The following ANKFN1 variants were observed in gnomAD, a reference collection of about 807,000 sequenced individuals.
The protein encoded by ANKFN1 is ankyrin repeat and fibronectin type III domain containing 1.
ANKFN1 carries 74 observed loss-of-function variants against 108.7 expected under a neutral mutation model. The observed-to-expected ratio is 0.68, with a 90% CI of 0.56 to 0.83. The LOEUF (loss-of-function observed/expected upper bound fraction) is 0.83, where lower values mean the gene tolerates loss of function less well. Among genes scored for constraint, ANKFN1 ranks in the 40% least tolerant of loss-of-function variants. The pLI is 0.00. For synonymous variants in ANKFN1, 547 were observed against 516.2 expected (o/e 1.06, Z -0.81); for missense variants, 1,505 against 1,382.3 (o/e 1.09, Z -1.41).
intron 8 of ANKFN1, among the ~76,000 whole-genome samples, chr17:56,385,782 C>A (rs960596128): frequency 6.6e-6 from 1 of 152,168 alleles, no homozygotes; most frequent in Non-Finnish European, 1.5e-5. Context: ...TACCATCTCA[C>A]ACCAGTTAGA....
At chr17:56,456,024 A>G (rs1410694327) in intron 11 of ANKFN1, among the ~76,000 whole-genome samples, 2 of 152,236 alleles carry the variant, frequency 1.3e-5, no homozygotes, top group Non-Finnish European at 2.9e-5. Flanking sequence ...GTGGTTATAC[A>G]GAAGTGACGA....
chr17:56,155,855 C>T lies in ANKFN1; in HGVS notation c.-71+2325C>T, dbSNP rs1040875943. On this transcript the variant is annotated intron_variant, in intron 1 of 20. Transcript: ENST00000682825. The stretch of plus-strand genomic sequence containing the variant: ...TTATATCTGATCACTCCAGCAAATG[C>T]GCAGAGGATAGTGTTCTATAGATGA... Among the ~76,000 whole-genome samples, 8 of 152,060 alleles carry T rather than the reference C, an allele frequency of 5.3e-5. No homozygotes were observed. The East Asian group carries it at 7.7e-4, about 15-fold the overall frequency.
At chr17:56,491,234 C>A (rs1379912556) in intron 18 of ANKFN1, among the ~76,000 whole-genome samples, 1 of 152,100 alleles carries the variant, frequency 6.6e-6, no homozygotes, top group Non-Finnish European at 1.5e-5. Context: ...GCCCTATTTC[C>A]AAAGCATGGA....
chr17:56,501,823 C>G (rs1259530045), intron 20 of ANKFN1, among the ~76,000 whole-genome samples: 1 of 151,982 alleles, frequency 6.6e-6, no homozygotes, highest in African/African-American at 2.4e-5. Context: ...AGAGTAGTGG[C>G]ACAGAATCAA....
intron 3 of ANKFN1, among the ~76,000 whole-genome samples, chr17:56,304,721 T>C (rs1328249023): frequency 6.6e-6 from 1 of 152,170 alleles, no homozygotes; most frequent in African/African-American, 2.4e-5. Context: ...CAATTTGCAT[T>C]CCCCTAATGG....
Position 56,213,465 on chromosome 17 carries a change from A to G in ANKFN1, c.12+786A>G, listed in dbSNP as rs189904599. The stretch of plus-strand genomic sequence containing the variant: ...AAGTAAAAGGGTGAAGAGAGAAGTC[A>G]GTCATTCTCACTTCACATCCCTCAT... On this transcript the variant is annotated intron_variant, in intron 2 of 20. Transcript: ENST00000682825. Among the ~76,000 whole-genome samples, 351 of 152,324 alleles carry G rather than the reference A, an allele frequency of 2.3e-3. 6 individuals carry two copies. Among genetic ancestry groups the G allele is most frequent in the Middle Eastern group, 3.4e-3 (1 of 294 alleles).
At chr17:56,291,531 T>C (rs1313860263) in intron 3 of ANKFN1, among the ~76,000 whole-genome samples, 1 of 152,200 alleles carries the variant, frequency 6.6e-6, no homozygotes, top group East Asian at 1.9e-4. Flanking sequence ...ATTATGATGA[T>C]GATTATGATT....
intron 6 of ANKFN1, among the ~76,000 whole-genome samples, chr17:56,364,837 T>G (rs1048483491): frequency 3.9e-5 from 6 of 152,226 alleles, no homozygotes; most frequent in Non-Finnish European, 8.8e-5. Flanking sequence ...TTCACAGTCA[T>G]TAAAATGAAA....
At chr17:56,399,647 A>C (rs1375330427) in intron 8 of ANKFN1, among the ~76,000 whole-genome samples, 2 of 151,934 alleles carry the variant, frequency 1.3e-5, no homozygotes, top group East Asian at 3.9e-4. Context: ...CTTCTCCCCA[A>C]GTCCCCAAAG....
At chr17:56,421,174 T>C (rs1598578220) in intron 8 of ANKFN1, among the ~76,000 whole-genome samples, 1 of 152,336 alleles carries the variant, frequency 6.6e-6, no homozygotes, top group Non-Finnish European at 1.5e-5. Context: ...TAGTTAGAAG[T>C]GTTTTCCTCT....
intron 11 of ANKFN1, among the ~76,000 whole-genome samples, chr17:56,453,832 G>A (rs1007367277): frequency 6.7e-6 from 1 of 149,466 alleles, no homozygotes; most frequent in African/African-American, 2.5e-5. Context: ...TTGTTTCATT[G>A]TTTTCCAGCT....
intron 8 of ANKFN1, among the ~76,000 whole-genome samples, chr17:56,433,091 A>C (rs139522593): frequency 6.6e-6 from 1 of 152,312 alleles, no homozygotes; most frequent in Non-Finnish European, 1.5e-5. Flanking sequence ...TTACTGATAG[A>C]ATGTGTAGCA....
At chr17:56,275,375 T>C (rs1028511743) in intron 3 of ANKFN1, among the ~76,000 whole-genome samples, 1 of 152,040 alleles carries the variant, frequency 6.6e-6, no homozygotes, top group African/African-American at 2.4e-5. Context: ...TTTAAAAATT[T>C]AGATTAAAAT....
chr17:56,188,025 A>G (rs1912415373), intron 1 of ANKFN1, among the ~76,000 whole-genome samples: 2 of 152,180 alleles, frequency 1.3e-5, no homozygotes, highest in South Asian at 4.1e-4. Flanking sequence ...GCACTTGTAT[A>G]CATATGTAAC....
intron 4 of ANKFN1, among the ~76,000 whole-genome samples, chr17:56,138,793 G>A (rs1288229220): frequency 6.6e-6 from 1 of 152,028 alleles, no homozygotes; most frequent in Non-Finnish European, 1.5e-5. Context: ...TTATAAGTGT[G>A]AGCCACTGCA....
At chr17:56,197,701 T>C (rs1403860515) in intron 1 of ANKFN1, among the ~76,000 whole-genome samples, 1 of 151,746 alleles carries the variant, frequency 6.6e-6, no homozygotes, top group African/African-American at 2.4e-5. Flanking sequence ...AAAAACACTT[T>C]GTCTTCTGAC....
chr17:56,353,739 T>C, intron 5 of ANKFN1, 97 bp from the exon 6 acceptor site: 1 of 1,030,700 alleles, frequency 9.7e-7, no homozygotes, highest in Non-Finnish European at 1.5e-6. Flanking sequence ...TAAGTGGACA[T>C]GCAGTCCCTG....
At chr17:56,061,700 T>C (rs1904978867) in intron 4 of ANKFN1, among the ~76,000 whole-genome samples, 1 of 151,310 alleles carries the variant, frequency 6.6e-6, no homozygotes, top group Non-Finnish European at 1.5e-5. Context: ...GTTAAATTGT[T>C]CAAAAAACAC....
chr17:56,180,217 G>A (rs746074938), intron 1 of ANKFN1, among the ~76,000 whole-genome samples: 2 of 152,090 alleles, frequency 1.3e-5, no homozygotes, highest in Non-Finnish European at 2.9e-5. Context: ...ATTTTTCTAG[G>A]AGGCAAGGTC....
Sources: gnomAD v4.1 joint callset for allele counts (sites outside exome capture counted in the v4.1 genomes callset) on GRCh38, gnomAD v4.1.1 for gene constraint, MANE v1.5 for transcripts, NCBI Gene and HGNC (gene_info 2026-07-23, HGNC 2026-07-21) for gene names.